ATG7: variants seen among roughly 807,000 people sequenced by gnomAD.
ATG7 encodes the protein autophagy related 7, also known as ubiquitin-like modifier-activating enzyme ATG7.
In ATG7, 70 loss-of-function variants were observed where a neutral mutation model predicts 82.4. That is an observed-to-expected ratio of 0.85 (90% CI 0.70 to 1.04). The LOEUF (loss-of-function observed/expected upper bound fraction) is 1.04. Ranked by LOEUF, ATG7 falls within the 50% of genes least tolerant of loss-of-function variation. The probability of loss-of-function intolerance (pLI) is 0.00; values close to 1 mark genes in which losing one functional copy is unlikely to be tolerated. For missense variants in ATG7, 792 were observed against 864.3 expected (o/e 0.92, Z 1.05); for synonymous variants, 287 against 313.0 (o/e 0.92, Z 0.88).
chr3:11,345,618 G>A (rs1463265483), intron 13 of ATG7, among the ~76,000 whole-genome samples: 1 of 151,950 alleles, frequency 6.6e-6, no homozygotes, highest in African/African-American at 2.4e-5. Flanking sequence ...TCCTAATGTT[G>A]TATATTTGTG....
At chr3:11,481,122 G>C (rs963266222) in intron 20 of ATG7, among the ~76,000 whole-genome samples, 4 of 152,200 alleles carry the variant, frequency 2.6e-5, no homozygotes, top group African/African-American at 9.7e-5. Flanking sequence ...CATTTCCCAA[G>C]CATGTGCTTT....
At chr3:11,564,662 A>ATCCCTCACCATCTCCC in the ATG7 span, 2 of 935,864 alleles carry the variant, frequency 2.1e-6, no homozygotes, top group Non-Finnish European at 3.2e-6. Flanking sequence ...GAAGGGTGGC[A>ATCCCTCACCATCTCCC]TCCCTCACCA....
At chr3:11,398,283 GC>G (rs2079499263) in intron 19 of ATG7, among the ~76,000 whole-genome samples, 1 of 152,006 alleles carries the variant, frequency 6.6e-6, no homozygotes, top group South Asian at 2.1e-4. Context: ...TTCTTTTCAA[GC>G]ACACACATAA....
Position 11,347,941 on chromosome 3 carries a change from G to A in ATG7, c.1190G>A (p.Arg397Lys), listed in dbSNP as rs1359840313. Residue 397 changes from arginine to lysine, a missense_variant, in exon 14 of 21, where the codon AGG becomes AAG. Physicochemically the swap from Arg to Lys is conservative, Grantham distance 26. Coordinates refer to ENST00000693202, the MANE Select transcript of ATG7 (RefSeq NM_001349232.2). ...NAKISYSNPVRQPLYEFEDCL... is the reference protein window; with the variant it reads ...NAKISYSNPVKQPLYEFEDCL... ...AAGATCTCCTACTCCAATCCTGTGAGGCAGCCTCTCTATGAGTTTGAAGAT... is the reference window on the plus strand; with the variant it reads ...AAGATCTCCTACTCCAATCCTGTGAAGCAGCCTCTCTATGAGTTTGAAGAT... The A allele has an allele frequency of 1.2e-6, 2 of 1,614,088 alleles. No individual in the cohort carries two copies. Among genetic ancestry groups the A allele is most frequent in the African/African-American group, 1.3e-5 (1 of 74,942 alleles).
chr3:11,531,528 C>T (rs1161559295), intron 20 of ATG7, among the ~76,000 whole-genome samples: 2 of 152,114 alleles, frequency 1.3e-5, no homozygotes, highest in African/African-American at 4.8e-5. Context: ...TCACATGGTC[C>T]GCAAGTCTGC....
chr3:11,380,117 C>A, intron 19 of ATG7, 65 bp downstream of exon 19: 1 of 1,501,268 alleles, frequency 6.7e-7, no homozygotes, highest in Non-Finnish European at 9.3e-7. Context: ...TGACCGCAGC[C>A]TCACCAGCTG....
At chr3:11,542,214 T>TA (rs1433105139) in intron 20 of ATG7, among the ~76,000 whole-genome samples, 1 of 152,262 alleles carries the variant, frequency 6.6e-6, no homozygotes, top group African/African-American at 2.4e-5. Flanking sequence ...TTCTAACCAG[T>TA]GCTTGGACAA....
At chr3:11,440,674 C>CATTTTTTTTTTTTTTTTTTTTTTTTT (rs769737485) in intron 20 of ATG7, among the ~76,000 whole-genome samples, 1 of 39,484 alleles carries the variant, frequency 2.5e-5, no homozygotes, top group African/African-American at 1.1e-4. Context: ...TCCCCATTTG[C>CATTTTTTTTTTTTTTTTTTTTTTTTT]TTTTTTTTTT....
At chr3:11,347,765 T>C in intron 13 of ATG7, 112 bp from the exon 14 acceptor site, 1 of 1,153,028 alleles carries the variant, frequency 8.7e-7, no homozygotes, top group South Asian at 2.0e-5. Context: ...AAGTTTCTTG[T>C]GTTTTGAGGT....
chr3:11,542,516 C>A (rs1448115337), intron 20 of ATG7, among the ~76,000 whole-genome samples: 1 of 152,104 alleles, frequency 6.6e-6, no homozygotes, highest in Admixed American at 6.5e-5. Context: ...AAGACACCGG[C>A]AGATGTACCT....
In ATG7 at chr3:11,360,855, C is replaced by T. The variant is rs965212946; in HGVS notation, c.1683+71C>T. 3.4e-6 allele frequency: 5 copies of T among 1,482,952 alleles called. No individual in the cohort carries two copies. In the African/African-American group the frequency reaches 7.0e-5, roughly 21 times the overall value. 91.9% of individuals were successfully genotyped at this position (1,482,952 alleles called of 1,614,324 possible). Reference sequence around the variant, plus strand: ...TGTACACTGAGGCAGACCGACTTGGCCCTTTCATTTATGACTATTTAAATA... The same window carrying T: ...TGTACACTGAGGCAGACCGACTTGGTCCTTTCATTTATGACTATTTAAATA... On this transcript the variant is annotated intron_variant, in intron 16 of 20. Coordinates refer to ENST00000693202, the MANE Select transcript of ATG7 (RefSeq NM_001349232.2).
At chr3:11,352,209 C>A (rs1311242056) in intron 14 of ATG7, among the ~76,000 whole-genome samples, 1 of 152,140 alleles carries the variant, frequency 6.6e-6, no homozygotes, top group African/African-American at 2.4e-5. Context: ...GCATAGTATT[C>A]CATGGTGTAT....
intron 20 of ATG7, among the ~76,000 whole-genome samples, chr3:11,499,310 G>A (rs1002708662): frequency 3.3e-5 from 5 of 152,058 alleles, no homozygotes; most frequent in South Asian, 2.1e-4. Flanking sequence ...CTTATGAAAC[G>A]ACTGCCAAAA....
intron 20 of ATG7, among the ~76,000 whole-genome samples, chr3:11,433,498 G>A (rs1314271230): frequency 6.6e-6 from 1 of 151,974 alleles, no homozygotes; most frequent in African/African-American, 2.4e-5. Flanking sequence ...TATGAGAAAT[G>A]CCAAAATATT....
intron 20 of ATG7, among the ~76,000 whole-genome samples, chr3:11,448,403 C>G (rs187252777): frequency 1.3e-5 from 2 of 152,296 alleles, no homozygotes; most frequent in African/African-American, 4.8e-5. Flanking sequence ...AGCTGGAGCC[C>G]CTGAGGTCAG....
At chr3:11,481,459 A>G (rs978099899) in intron 20 of ATG7, among the ~76,000 whole-genome samples, 26 of 152,236 alleles carry the variant, frequency 1.7e-4, no homozygotes, top group African/African-American at 6.0e-4. Context: ...ACTTACCACA[A>G]AGACCTAGAA....
intron 20 of ATG7, among the ~76,000 whole-genome samples, chr3:11,492,638 G>A (rs1247591035): frequency 1.3e-5 from 2 of 152,176 alleles, no homozygotes; most frequent in Non-Finnish European, 1.5e-5. Context: ...ACTGGCAGGA[G>A]CAAACTCCCT....
At chr3:11,573,323 GAAAGAAAGAAAGAAAGAAAGAAAGAAAGA>G in the ATG7 span, among the ~76,000 whole-genome samples, 28 of 34,438 alleles carry the variant, frequency 8.1e-4, no homozygotes, top group East Asian at 4.3e-3. Context: ...AAGGAAGAAA[GAAAGAAAGAAAGAAAGAAAGAAAGAAAGA>G]AAGAAAGAAA....
the ATG7 span, among the ~76,000 whole-genome samples, chr3:11,573,251 GAAAGAAAGAAAGAAAGAA>G: frequency 3.2e-3 from 12 of 3,766 alleles, no homozygotes; most frequent in East Asian, 0.073. Flanking sequence ...AATAGAGAAA[GAAAGAAAGAAAGAAAGAA>G]AGAAAGAAAG....
Sources: gnomAD v4.1 joint callset for allele counts (sites outside exome capture counted in the v4.1 genomes callset) on GRCh38, gnomAD v4.1.1 for gene constraint, MANE v1.5 for transcripts, NCBI Gene and HGNC (gene_info 2026-07-23, HGNC 2026-07-21) for gene names.